ADGRL3: variants seen among roughly 807,000 people sequenced by gnomAD.
ADGRL3 encodes the protein adhesion G protein-coupled receptor L3, also known as calcium-independent alpha-latrotoxin receptor 3.
A neutral mutation model predicts 153.5 loss-of-function variants in ADGRL3; 62 were observed. That is an observed-to-expected ratio of 0.40 (90% CI 0.33 to 0.50). The LOEUF (loss-of-function observed/expected upper bound fraction) is 0.50. ADGRL3 is among the 20% of genes least tolerant of loss of function. The pLI is 0.47. For synonymous variants in ADGRL3, 710 were observed against 672.5 expected (o/e 1.06, Z -0.86); for missense variants, 1,641 against 1,859.4 (o/e 0.88, Z 2.16).
chr4:61,286,584 G>A (rs978204479), intron 1 of ADGRL3, among the ~76,000 whole-genome samples: 1 of 151,466 alleles, frequency 6.6e-6, no homozygotes, highest in Non-Finnish European at 1.5e-5. Context: ...GCAAATTGGT[G>A]AATTATATAT....
intron 2 of ADGRL3, among the ~76,000 whole-genome samples, chr4:61,411,897 T>A (rs2097092370): frequency 6.6e-6 from 1 of 152,210 alleles, no homozygotes; most frequent in African/African-American, 2.4e-5. Context: ...TAATTCCATC[T>A]TAATATGAGA....
chr4:61,251,867 C>CT (rs374884124), intron 1 of ADGRL3, among the ~76,000 whole-genome samples: 51,232 of 134,694 alleles, frequency 0.38, 8,016 homozygotes, highest in East Asian at 0.4. Flanking sequence ...TCCTAAGATT[C>CT]TTTTTTTTTT....
intron 25 of ADGRL3, among the ~76,000 whole-genome samples, chr4:62,059,426 T>C (rs1230930619): frequency 6.6e-6 from 1 of 152,112 alleles, no homozygotes; most frequent in Non-Finnish European, 1.5e-5. Context: ...GAAACAATAA[T>C]TACATTGATT....
chr4:61,553,402 T>C (rs2098749361), intron 4 of ADGRL3, among the ~76,000 whole-genome samples: 1 of 152,180 alleles, frequency 6.6e-6, no homozygotes, highest in Admixed American at 6.5e-5. Flanking sequence ...TTTGGGCAGA[T>C]GAGAGAGATT....
chr4:61,462,331 T>C (rs1560675458), intron 2 of ADGRL3, among the ~76,000 whole-genome samples: 1 of 152,184 alleles, frequency 6.6e-6, no homozygotes, highest in Non-Finnish European at 1.5e-5. Flanking sequence ...TTGGGAAAGA[T>C]AACAACTCGA....
intron 4 of ADGRL3, among the ~76,000 whole-genome samples, chr4:61,532,350 A>G (rs1019294841): frequency 2.6e-5 from 4 of 152,248 alleles, no homozygotes; most frequent in African/African-American, 7.2e-5. Context: ...TCAAGTTACA[A>G]TTAGCTGCTC....
At chr4:61,729,230 T>C (rs540324343) in intron 6 of ADGRL3, among the ~76,000 whole-genome samples, 1 of 151,992 alleles carries the variant, frequency 6.6e-6, no homozygotes, top group East Asian at 1.9e-4. Context: ...TAAAACATAA[T>C]AATATTTATT....
At chr4:61,860,793 CATA>C (rs1183866219) in intron 9 of ADGRL3, among the ~76,000 whole-genome samples, 1 of 152,098 alleles carries the variant, frequency 6.6e-6, no homozygotes, top group Non-Finnish European at 1.5e-5. Context: ...TAATGATCAT[CATA>C]ATATTATTAG....
At chr4:61,506,692 G>T (rs1252103563) in intron 3 of ADGRL3, among the ~76,000 whole-genome samples, 3 of 152,038 alleles carry the variant, frequency 2.0e-5, no homozygotes, top group African/African-American at 7.2e-5. Flanking sequence ...CCTCACTTTG[G>T]TATCATTAGT....
intron 25 of ADGRL3, among the ~76,000 whole-genome samples, chr4:62,067,339 G>A (rs1265621593): frequency 3.3e-5 from 5 of 151,782 alleles, no homozygotes; most frequent in African/African-American, 1.2e-4. Flanking sequence ...TAAAATAAGA[G>A]GTTTTTTTCC....
intron 5 of ADGRL3, among the ~76,000 whole-genome samples, chr4:61,624,885 A>G (rs1052115482): frequency 6.6e-6 from 1 of 152,134 alleles, no homozygotes; most frequent in Admixed American, 6.5e-5. Flanking sequence ...TACAGTTAAG[A>G]AATCTATTTT....
chr4:61,340,607 T>A (rs182915510), intron 1 of ADGRL3, among the ~76,000 whole-genome samples: 7 of 152,218 alleles, frequency 4.6e-5, no homozygotes, highest in Admixed American at 2.0e-4. Flanking sequence ...TAAATATAAT[T>A]TATATCAGTC....
At chr4:61,676,460 A>G (rs2150900579) in intron 5 of ADGRL3, among the ~76,000 whole-genome samples, 1 of 152,044 alleles carries the variant, frequency 6.6e-6, no homozygotes, top group South Asian at 2.1e-4. Context: ...ATTTTCTAAA[A>G]TACTTTTTTT....
intron 1 of ADGRL3, among the ~76,000 whole-genome samples, chr4:61,312,224 A>C (rs566606246): frequency 6.6e-6 from 1 of 152,208 alleles, no homozygotes; most frequent in African/African-American, 2.4e-5. Flanking sequence ...CATGAAAAAC[A>C]TAAAAAATGA....
intron 5 of ADGRL3, among the ~76,000 whole-genome samples, chr4:61,642,815 T>C (rs1246295400): frequency 6.6e-6 from 1 of 152,308 alleles, no homozygotes; most frequent in African/African-American, 2.4e-5. Context: ...TTTTTTCCAA[T>C]TCTGTGAAGA....
At chr4:61,458,526 C>T (rs1192761357) in intron 2 of ADGRL3, among the ~76,000 whole-genome samples, 1 of 150,998 alleles carries the variant, frequency 6.6e-6, no homozygotes, top group East Asian at 1.9e-4. Context: ...TTCTTGGTTC[C>T]CATGATTTGT....
At chr4:61,539,645 G>C (rs1369887541) in intron 4 of ADGRL3, among the ~76,000 whole-genome samples, 2 of 152,112 alleles carry the variant, frequency 1.3e-5, no homozygotes, top group South Asian at 4.1e-4. Flanking sequence ...CAGGCCTGAG[G>C]GGGAGAGCCA....
At chr4:61,750,773 G>C (rs1393206506) in intron 8 of ADGRL3, among the ~76,000 whole-genome samples, 1 of 143,692 alleles carries the variant, frequency 7.0e-6, no homozygotes, top group Non-Finnish European at 1.5e-5. Context: ...CTGGGCGACA[G>C]AGCGAGACTC....
chr4:61,362,251 C>A (rs1272024817), intron 1 of ADGRL3, among the ~76,000 whole-genome samples: 2 of 151,222 alleles, frequency 1.3e-5, no homozygotes, highest in African/African-American at 4.9e-5. Flanking sequence ...GATCTGCCTT[C>A]CTCGGCCTCC....
Sources: gnomAD v4.1 joint callset for allele counts (sites outside exome capture counted in the v4.1 genomes callset) on GRCh38, gnomAD v4.1.1 for gene constraint, MANE v1.5 for transcripts, NCBI Gene and HGNC (gene_info 2026-07-23, HGNC 2026-07-21) for gene names.